The following HS6ST3 variants were observed in gnomAD, a reference collection of about 807,000 sequenced individuals.
The protein encoded by HS6ST3 is heparan-sulfate 6-O-sulfotransferase 3.
HS6ST3 carries 12 observed loss-of-function variants against 36.7 expected under a neutral mutation model. The observed-to-expected ratio is 0.33, with a 90% confidence interval of 0.21 to 0.53. HS6ST3 has a LOEUF of 0.53. HS6ST3 is among the 20% of genes least tolerant of loss of function. The pLI is 0.95. For missense variants in HS6ST3, 584 were observed against 640.9 expected, an observed-to-expected ratio of 0.91 and a Z score of 0.96; for synonymous variants, 240 against 257.5, an observed-to-expected ratio of 0.93 and a Z score of 0.65.
At chr13:96,643,820 G>C (rs992008788) in intron 1 of HS6ST3, among the ~76,000 whole-genome samples, 1 of 151,922 alleles carries the variant, frequency 6.6e-6, no homozygotes, top group Non-Finnish European at 1.5e-5. Flanking sequence ...ATTGTGGCCT[G>C]TTGGTTTTTA....
intron 1 of HS6ST3, among the ~76,000 whole-genome samples, chr13:96,184,554 G>A (rs1173567463): frequency 1.3e-5 from 2 of 152,058 alleles, no homozygotes; most frequent in Non-Finnish European, 2.9e-5. Context: ...TTCCCCTGCG[G>A]CAATGACCTG....
intron 1 of HS6ST3, among the ~76,000 whole-genome samples, chr13:96,396,590 C>G (rs2055422773): frequency 6.6e-6 from 1 of 152,008 alleles, no homozygotes. Flanking sequence ...GCAGAGTCAC[C>G]TTTTCCCATC....
At chr13:96,812,858 G>C (rs780892330) in intron 1 of HS6ST3, among the ~76,000 whole-genome samples, 1 of 152,136 alleles carries the variant, frequency 6.6e-6, no homozygotes, top group Non-Finnish European at 1.5e-5. Flanking sequence ...TTGATACCCA[G>C]CTTAGGATTT....
intron 1 of HS6ST3, among the ~76,000 whole-genome samples, chr13:96,700,420 T>C (rs928001948): frequency 5.4e-4 from 82 of 152,170 alleles, no homozygotes; most frequent in African/African-American, 2.0e-3. Flanking sequence ...GGAGCTACAA[T>C]TCAAGATGAG....
At chr13:96,157,309 A>T (rs1481228306) in intron 1 of HS6ST3, among the ~76,000 whole-genome samples, 1 of 152,212 alleles carries the variant, frequency 6.6e-6, no homozygotes. Flanking sequence ...AATTACAGAG[A>T]TTTTAATTCC....
intron 1 of HS6ST3, among the ~76,000 whole-genome samples, chr13:96,200,964 C>T (rs968170057): frequency 3.3e-5 from 5 of 152,294 alleles, no homozygotes; most frequent in African/African-American, 7.2e-5. Context: ...AGAAAACTTA[C>T]GGCTGTGAGT....
At chr13:96,334,658 G>T (rs192802026) in intron 1 of HS6ST3, among the ~76,000 whole-genome samples, 33 of 152,228 alleles carry the variant, frequency 2.2e-4, no homozygotes, top group Non-Finnish European at 3.1e-4. Context: ...AGCCAAGAAG[G>T]AGGGTTTTCC....
At chr13:96,817,174 T>G (rs1878439054) in intron 1 of HS6ST3, among the ~76,000 whole-genome samples, 1 of 151,728 alleles carries the variant, frequency 6.6e-6, no homozygotes, top group African/African-American at 2.4e-5. Flanking sequence ...CATGGCTGTT[T>G]GGGGGGTGCA....
chr13:96,753,766 C>G (rs935985437), intron 1 of HS6ST3, among the ~76,000 whole-genome samples: 1 of 152,078 alleles, frequency 6.6e-6, no homozygotes, highest in Non-Finnish European at 1.5e-5. Context: ...ACATACTTGT[C>G]TTGCCTCTGA....
intron 1 of HS6ST3, among the ~76,000 whole-genome samples, chr13:96,262,489 G>C (rs1201675812): frequency 2.6e-5 from 4 of 152,118 alleles, no homozygotes; most frequent in Non-Finnish European, 5.9e-5. Flanking sequence ...GATTGTAATT[G>C]TTCCTTTACA....
intron 1 of HS6ST3, among the ~76,000 whole-genome samples, chr13:96,801,661 A>G (rs961411799): frequency 6.6e-6 from 1 of 152,146 alleles, no homozygotes; most frequent in East Asian, 1.9e-4. Flanking sequence ...GTTGAAGTGT[A>G]TTATTCAAGC....
At chr13:96,521,900 ATTTG>A (rs1195080709) in intron 1 of HS6ST3, among the ~76,000 whole-genome samples, 1 of 151,794 alleles carries the variant, frequency 6.6e-6, no homozygotes, top group East Asian at 1.9e-4. Flanking sequence ...TAGCTTTTGA[ATTTG>A]TTTGCTCTTG....
chr13:96,136,124 T>C (rs1274901132), intron 1 of HS6ST3, among the ~76,000 whole-genome samples: 3 of 152,204 alleles, frequency 2.0e-5, no homozygotes, highest in African/African-American at 7.2e-5. Flanking sequence ...GCACCTACAA[T>C]ACACAGGTTT....
intron 1 of HS6ST3, among the ~76,000 whole-genome samples, chr13:96,405,443 G>C (rs2055472771): frequency 6.6e-6 from 1 of 152,092 alleles, no homozygotes. Flanking sequence ...TGGAAGGAAA[G>C]GTCCTTATCT....
intron 1 of HS6ST3, among the ~76,000 whole-genome samples, chr13:96,112,808 ATAACT>A (rs1387034900): frequency 3.3e-5 from 5 of 151,586 alleles, no homozygotes; most frequent in Admixed American, 6.6e-5. Context: ...TGAAGACAAC[ATAACT>A]TAAATAAAAT....
At chr13:96,429,608 T>C (rs1834861193) in intron 1 of HS6ST3, among the ~76,000 whole-genome samples, 1 of 152,208 alleles carries the variant, frequency 6.6e-6, no homozygotes, top group South Asian at 2.1e-4. Flanking sequence ...TGTTCTTTGC[T>C]CAACCTGAGC....
intron 1 of HS6ST3, among the ~76,000 whole-genome samples, chr13:96,581,010 G>A (rs1331301168): frequency 1.3e-5 from 2 of 152,122 alleles, no homozygotes; most frequent in Non-Finnish European, 2.9e-5. Context: ...TGGTTTAATA[G>A]AGGGGCTTTA....
intron 1 of HS6ST3, among the ~76,000 whole-genome samples, chr13:96,609,522 C>T (rs1295088780): frequency 2.6e-5 from 4 of 152,038 alleles, no homozygotes; most frequent in Non-Finnish European, 5.9e-5. Context: ...GCATAGAAAA[C>T]TCATGACAAG....
intron 1 of HS6ST3, among the ~76,000 whole-genome samples, chr13:96,805,243 A>C (rs1290851113): frequency 6.6e-6 from 1 of 151,978 alleles, no homozygotes; most frequent in South Asian, 2.1e-4. Context: ...AGTCATGGAG[A>C]TGGACTTCCC....
Sources: gnomAD v4.1 joint callset for allele counts (sites outside exome capture counted in the v4.1 genomes callset) on GRCh38, gnomAD v4.1.1 for gene constraint, MANE v1.5 for transcripts, NCBI Gene and HGNC (gene_info 2026-07-23, HGNC 2026-07-21) for gene names.